Variants in RAVER2 observed in about 807,000 individuals in gnomAD.
RAVER2 encodes ribonucleoprotein PTB-binding 2.
RAVER2 carries 46 observed loss-of-function variants against 78.1 expected under a neutral mutation model. The observed-to-expected ratio is 0.59, with a 90% CI of 0.46 to 0.75. The LOEUF (loss-of-function observed/expected upper bound fraction) is 0.75. Ranked by LOEUF, RAVER2 falls within the 30% of genes least tolerant of loss-of-function variation. RAVER2 has a pLI of 0.00. For synonymous variants in RAVER2, 311 were observed against 313.3 expected, an observed-to-expected ratio of 0.99 and a Z score of 0.08; for missense variants, 793 against 837.5, an observed-to-expected ratio of 0.95 and a Z score of 0.66.
chr1:64,800,345 C>A (rs1653226693), intron 5 of RAVER2, among the ~76,000 whole-genome samples: 1 of 152,002 alleles, frequency 6.6e-6, no homozygotes, highest in African/African-American at 2.4e-5. Context: ...TGAAGTGTGA[C>A]CCATAACATC....
chr1:64,817,819 T>G (rs963567211), intron 11 of RAVER2, among the ~76,000 whole-genome samples: 3 of 151,922 alleles, frequency 2.0e-5, no homozygotes, highest in Non-Finnish European at 4.4e-5. Flanking sequence ...AGCTAATGGG[T>G]GCAGCACACC....
chr1:64,770,931 A>G (rs910620449), intron 2 of RAVER2, among the ~76,000 whole-genome samples: 2 of 151,988 alleles, frequency 1.3e-5, no homozygotes, highest in African/African-American at 4.8e-5. Context: ...ACAGAGTATC[A>G]GTGAACTGTG....
intron 2 of RAVER2, among the ~76,000 whole-genome samples, chr1:64,776,364 G>A (rs1207455079): frequency 1.3e-5 from 2 of 152,166 alleles, no homozygotes; most frequent in Non-Finnish European, 2.9e-5. Flanking sequence ...TAGTTTTCTT[G>A]CGTGTGGGAC....
intron 3 of RAVER2, 151 bp from the exon 4 acceptor site, chr1:64,781,229 A>G (rs1440588342): frequency 3.0e-6 from 2 of 661,998 alleles, no homozygotes; most frequent in Non-Finnish European, 4.5e-6. Flanking sequence ...CATCTAAGCA[A>G]TTAGTAAACA....
intron 4 of RAVER2, among the ~76,000 whole-genome samples, chr1:64,785,002 G>A (rs1652739262): frequency 6.6e-6 from 1 of 152,034 alleles, no homozygotes; most frequent in South Asian, 2.1e-4. Flanking sequence ...ACAGTGCACA[G>A]GAGAGCTCTT....
At chr1:64,755,945 A>T (rs959610717) in intron 1 of RAVER2, among the ~76,000 whole-genome samples, 1 of 151,980 alleles carries the variant, frequency 6.6e-6, no homozygotes, top group Non-Finnish European at 1.5e-5. Context: ...TGTATGTCCT[A>T]CAAACTAGGA....
At chr1:64,813,959 CTG>C (rs1424085102) in intron 10 of RAVER2, among the ~76,000 whole-genome samples, 2 of 152,066 alleles carry the variant, frequency 1.3e-5, no homozygotes, top group Non-Finnish European at 2.9e-5. Context: ...AGGTCTCCCT[CTG>C]TCACCCAGGC....
chr1:64,798,072 C>G (rs1318417300), intron 5 of RAVER2, among the ~76,000 whole-genome samples: 1 of 108,766 alleles, frequency 9.2e-6, no homozygotes, highest in African/African-American at 3.5e-5. Flanking sequence ...ATCCCTCCCC[C>G]CTCCCCCCAC....
intron 4 of RAVER2, among the ~76,000 whole-genome samples, chr1:64,787,553 C>T (rs892247683): frequency 6.6e-6 from 1 of 152,166 alleles, no homozygotes; most frequent in Non-Finnish European, 1.5e-5. Context: ...TGCTGTAACT[C>T]TTCTATCCTG....
At chr1:64,752,819 T>G (rs879542173) in intron 1 of RAVER2, among the ~76,000 whole-genome samples, 1 of 152,130 alleles carries the variant, frequency 6.6e-6, no homozygotes, top group Non-Finnish European at 1.5e-5. Context: ...TGTTTGGTTG[T>G]TAAAGTAAGT....
chr1:64,804,308 GT>G (rs781289854), intron 6 of RAVER2, among the ~76,000 whole-genome samples: 1 of 151,836 alleles, frequency 6.6e-6, no homozygotes, highest in African/African-American at 2.4e-5. Context: ...GTAATCCTGT[GT>G]TTTTTTTATT....
At position 64,745,403 on chromosome 1, in the gene RAVER2, C is replaced by A; in HGVS notation, c.231C>A (p.Pro77=). ...GGAAAATCCTGGTGAAAAACCTGCC[C>A]CAGGACAGCAACTGCCAGGTACTGG... The change falls in exon 1 of 12, where the codon CCC becomes CCA. Residue 77 remains proline (P), a synonymous_variant. Transcript: ENST00000294428. The surrounding 1 kb of genome is among the most constrained non-coding windows in gnomAD (Gnocchi z 4.3). 6.5e-7 allele frequency: 1 copy of A among 1,536,980 alleles called. No homozygotes were observed. The highest frequency in any genetic ancestry group is 8.8e-7 in the Non-Finnish European group (1 of 1,139,216).
intron 9 of RAVER2, among the ~76,000 whole-genome samples, chr1:64,809,187 T>G (rs1476029085): frequency 1.3e-5 from 2 of 152,148 alleles, no homozygotes; most frequent in Non-Finnish European, 2.9e-5. Context: ...GGAAGAACAA[T>G]TCAAGCTTTT....
At chr1:64,764,864 A>T (rs944443260) in intron 1 of RAVER2, among the ~76,000 whole-genome samples, 4 of 152,162 alleles carry the variant, frequency 2.6e-5, no homozygotes, top group African/African-American at 9.7e-5. Flanking sequence ...TCTCCCCAAC[A>T]TTATATAAGA....
chr1:64,798,937 G>A (rs563035729), intron 5 of RAVER2, among the ~76,000 whole-genome samples: 11 of 152,098 alleles, frequency 7.2e-5, no homozygotes, highest in Non-Finnish European at 1.5e-4. Context: ...TGTGTTGGGA[G>A]CATTTAAAGT....
chr1:64,804,033 G>A (rs996088494), intron 6 of RAVER2, among the ~76,000 whole-genome samples: 2 of 152,070 alleles, frequency 1.3e-5, no homozygotes, highest in Non-Finnish European at 2.9e-5. Flanking sequence ...GCAGATCGCT[G>A]TCCCACTACA....
chr1:64,787,254 C>A (rs77406370), intron 4 of RAVER2, among the ~76,000 whole-genome samples: 3 of 152,062 alleles, frequency 2.0e-5, no homozygotes, highest in Non-Finnish European at 4.4e-5. Flanking sequence ...CTCCAAATGT[C>A]TAGCTATTTT....
intron 11 of RAVER2, among the ~76,000 whole-genome samples, chr1:64,819,557 G>T (rs1054667374): frequency 1.3e-5 from 2 of 152,080 alleles, no homozygotes; most frequent in Non-Finnish European, 2.9e-5. Flanking sequence ...GATAATGGGG[G>T]CACATATTGT....
chr1:64,752,554 C>T (rs1200587035), intron 1 of RAVER2, among the ~76,000 whole-genome samples: 1 of 152,146 alleles, frequency 6.6e-6, no homozygotes, highest in Admixed American at 6.5e-5. Flanking sequence ...GCCTTTCTTC[C>T]TCTTGCCTGT....
Sources: allele counts gnomAD v4.1 joint callset (sites outside exome capture counted in the v4.1 genomes callset), GRCh38; gene constraint gnomAD v4.1.1; non-coding constraint Gnocchi (gnomAD v3.1); transcripts MANE v1.5; gene names NCBI Gene and HGNC (gene_info 2026-07-23, HGNC 2026-07-21).